GAA: variants seen among roughly 807,000 people sequenced by gnomAD.
The protein encoded by GAA is lysosomal alpha-glucosidase.
GAA carries 88 observed loss-of-function variants against 103.9 expected under a neutral mutation model. The observed-to-expected ratio is 0.85, with a 90% CI of 0.71 to 1.01. The LOEUF (loss-of-function observed/expected upper bound fraction) is 1.01. Ranked by LOEUF, GAA falls within the 50% of genes least tolerant of loss-of-function variation. GAA has a pLI of 0.00. For synonymous variants in GAA, 572 were observed against 563.1 expected, an observed-to-expected ratio of 1.02 and a Z score of -0.22; for missense variants, 1,350 against 1,305.3, an observed-to-expected ratio of 1.03 and a Z score of -0.53.
At chr17:80,106,018 C>A in intron 3 of GAA, 124 bp downstream of exon 3, 1 of 1,339,258 alleles carries the variant, frequency 7.5e-7, no homozygotes, top group Non-Finnish European at 1.0e-6. Flanking sequence ...GTTTCTCACA[C>A]GGCGGGGAGG....
In GAA at chr17:80,104,546, C is replaced by T; in HGVS notation, c.-32-9C>T. Reference sequence around the variant, plus strand: ...GCCTCCCTGCTGAGCCCGCTTTCTTCTCCCGCAGGCCTGTAGGAGCTGTCC... The same window carrying T: ...GCCTCCCTGCTGAGCCCGCTTTCTTTTCCCGCAGGCCTGTAGGAGCTGTCC... On this transcript the variant is annotated splice_polypyrimidine_tract_variant and intron_variant, in intron 1 of 19. Transcript: ENST00000302262. This position sits in a 1 kb window ranked among gnomAD's most constrained non-coding sequence, Gnocchi z 4.0. 2 of 1,572,112 alleles carry T rather than the reference C, an allele frequency of 1.3e-6. No individual in the cohort carries two copies. Among genetic ancestry groups the T allele is most frequent in the Middle Eastern group, 1.9e-4 (1 of 5,272 alleles).
At chr17:80,113,972 C>G (rs1433683760) in intron 15 of GAA, among the ~76,000 whole-genome samples, 1 of 150,526 alleles carries the variant, frequency 6.6e-6, no homozygotes, top group African/African-American at 2.4e-5. Flanking sequence ...GAGCCGAGAT[C>G]GCGCCACTGT....
rs796051877 is a variant in GAA, at chr17:80,110,055, G to A, written c.1437G>A (p.Lys479=). ...AGACCGGCCAGCCGCTGATTGGGAA[G>A]GTAGGGCGAGGGTCCAGGGGACGGG... ...TNETGQPLIG[K]VWPGSTAFPD... Residue 479 remains lysine (K), a splice_region_variant and synonymous_variant, in exon 9 of 20, where the codon AAG becomes AAA. Coordinates refer to ENST00000302262, the MANE Select transcript of GAA (RefSeq NM_000152.5). 1 of 1,612,144 alleles carries A rather than the reference G, an allele frequency of 6.2e-7. No homozygotes were observed. Among genetic ancestry groups the A allele is most frequent in the South Asian group, 1.1e-5 (1 of 91,050 alleles).
chr17:80,112,819 G>T, intron 13 of GAA, 57 bp from the exon 14 acceptor site: 3 of 1,585,290 alleles, frequency 1.9e-6, no homozygotes, highest in Non-Finnish European at 2.6e-6. Context: ...TGGGTCACTT[G>T]GCCTGAGCTG....
intron 8 of GAA, among the ~76,000 whole-genome samples, chr17:80,109,616 AAC>A (rs957691379): frequency 1.1e-5 from 1 of 92,698 alleles, no homozygotes; most frequent in African/African-American, 3.3e-5. Context: ...CAGGAGTGGA[AAC>A]ACAGACTTTT....
chr17:80,119,452 T>C lies in GAA; in HGVS notation c.*121T>C. 1 of 854,618 alleles carries C rather than the reference T, an allele frequency of 1.2e-6. No individual in the cohort carries two copies. The highest frequency in any genetic ancestry group is 1.4e-5 in the South Asian group (1 of 73,476). 52.9% of individuals were successfully genotyped at this position (854,618 alleles called of 1,614,324 possible). A position where few individuals can be genotyped will look rare whatever the true frequency, so the allele number is the denominator to read the frequency against. ...GCATGTGTCACCTGGAGCTGGGCAC[T>C]AACCATTCCAAGCCGCCGCATCGCT... On this transcript the variant is annotated 3_prime_UTR_variant, in exon 20 of 20. Coordinates refer to ENST00000302262, the MANE Select transcript of GAA (RefSeq NM_000152.5).
intron 12 of GAA, chr17:80,112,307 A>G: frequency 4.6e-6 from 3 of 650,644 alleles, no homozygotes; most frequent in Non-Finnish European, 8.0e-6. Flanking sequence ...GGGCTTGGAG[A>G]GGAAGGACCC....
intron 12 of GAA, 32 bp downstream of exon 12, chr17:80,112,132 G>A: frequency 6.3e-7 from 1 of 1,582,656 alleles, no homozygotes; most frequent in Non-Finnish European, 8.7e-7. Context: ...ACTGGGCTCT[G>A]CCCTCACAGC....
At position 80,118,262 on chromosome 17, in the gene GAA, G is replaced by T; in HGVS notation, c.2551G>T (p.Gly851Trp). ...CCTGGCTGTGGCCCTGACCAAGGGT[G>T]GGGAGGCCCGAGGGGAGCTGTTCTG... ...MALAVALTKG[G>W]EARGELFWDD... The change falls in exon 18 of 20, where the codon GGG becomes TGG. Residue 851 changes from glycine (G) to tryptophan (W), a missense_variant. By Grantham distance (184) the Gly-to-Trp change is radical. Coordinates refer to ENST00000302262, the MANE Select transcript of GAA (RefSeq NM_000152.5). The T allele has an allele frequency of 6.2e-7, 1 of 1,610,900 alleles. No homozygotes were observed. The highest frequency in any genetic ancestry group is 8.5e-7 in the Non-Finnish European group (1 of 1,178,364).
rs767593652 is a variant in GAA, at chr17:80,110,907, G to T, written c.1552-34G>T. On this transcript the variant is annotated intron_variant, in intron 10 of 19. Transcript: ENST00000302262. ...GACTACCCCACCCTCCTCACTCTGG[G>T]CAGAGTCACCTACCAGCAGCGCTTC... 3 of 1,613,630 alleles carry T rather than the reference G, an allele frequency of 1.9e-6. No homozygotes were observed. In the South Asian group the frequency reaches 3.3e-5, roughly 18 times the overall value.
rs539097550 is a variant in GAA at position 80,108,226 on chromosome 17, G to A, written c.956-64G>A. On this transcript the variant is annotated intron_variant, in intron 5 of 19. Transcript: ENST00000302262. ...CTCTCCGCCTGTGATTGGCCCATCT[G>A]TGGGGTGCAGAGCCCTCCAAGTGAA... 1.7e-5 allele frequency: 27 copies of A among 1,612,442 alleles called. No homozygotes were observed. The African/African-American group carries it at 3.1e-4, about 18-fold the overall frequency.
intron 15 of GAA, among the ~76,000 whole-genome samples, chr17:80,116,000 C>G (rs984890461): frequency 1.3e-5 from 2 of 152,132 alleles, no homozygotes; most frequent in Non-Finnish European, 2.9e-5. Context: ...GGCTGCAAAC[C>G]CTTGGTTAGT....
chr17:80,107,166 G>T (rs951299152), intron 3 of GAA, among the ~76,000 whole-genome samples: 1 of 152,214 alleles, frequency 6.6e-6, no homozygotes, highest in African/African-American at 2.4e-5. Context: ...GCTGGGATCT[G>T]GGAGGACTTT....
Position 80,119,429 on chromosome 17 carries a change from A to T in GAA, c.*98A>T, listed in dbSNP as rs886053548. 7.2e-5 allele frequency: 73 copies of T among 1,020,226 alleles called. No individual in the cohort carries two copies. The African/African-American group carries it at 1.0e-3, about 14-fold the overall frequency. The allele number at this position is 1,020,226 out of a possible 1,614,324, so 63.2% of individuals were successfully genotyped here. A position where few individuals can be genotyped will look rare whatever the true frequency, so the allele number is the denominator to read the frequency against. ...AGCTGTGTGCGGGCCTGGGGGTTGC[A>T]TGTGTCACCTGGAGCTGGGCACTAA... On this transcript the variant is annotated 3_prime_UTR_variant, in exon 20 of 20. Transcript: ENST00000302262.
chr17:80,109,815 A>G, intron 8 of GAA, 130 bp from the exon 9 acceptor site: 1 of 684,618 alleles, frequency 1.5e-6, no homozygotes, highest in Non-Finnish European at 2.6e-6. Flanking sequence ...ATGTGCAGGT[A>G]CACAGGCAGG....
rs750777002 is a variant in GAA, at chr17:80,110,777, G to A, written c.1488G>A (p.Leu496=). The A allele has an allele frequency of 8.7e-6, 14 of 1,614,026 alleles. No homozygotes were observed. The African/African-American group carries it at 1.3e-4, about 15-fold the overall frequency. ...CCGACTTCACCAACCCCACAGCCCTGGCCTGGTGGGAGGACATGGTGGCTG... is the reference window on the plus strand; with the variant it reads ...CCGACTTCACCAACCCCACAGCCCTAGCCTGGTGGGAGGACATGGTGGCTG... ...AFPDFTNPTA[L]AWWEDMVAEF... Residue 496 remains leucine, a synonymous_variant, in exon 10 of 20, where the codon CTG becomes CTA. Coordinates refer to ENST00000302262, the MANE Select transcript of GAA (RefSeq NM_000152.5).
chr17:80,105,928 A>C (rs2039075910), intron 3 of GAA, 34 bp downstream of exon 3: 1 of 1,565,462 alleles, frequency 6.4e-7, no homozygotes, highest in African/African-American at 1.3e-5. Context: ...CATGATGGGG[A>C]GGGCGACGCG....
intron 3 of GAA, among the ~76,000 whole-genome samples, chr17:80,106,992 T>G (rs983895823): frequency 6.6e-6 from 1 of 151,814 alleles, no homozygotes. Flanking sequence ...CAGGGGAGGG[T>G]GGGTGCGGTG....
intron 15 of GAA, among the ~76,000 whole-genome samples, chr17:80,114,741 T>G (rs1374849746): frequency 6.6e-6 from 1 of 152,230 alleles, no homozygotes; most frequent in Admixed American, 6.5e-5. Context: ...TGGTTTTATT[T>G]CTTCATGTGG....
Sources: gnomAD v4.1 joint callset for allele counts (sites outside exome capture counted in the v4.1 genomes callset) on GRCh38, gnomAD v4.1.1 for gene constraint, Gnocchi (gnomAD v3.1) non-coding constraint, MANE v1.5 for transcripts, NCBI Gene and HGNC (gene_info 2026-07-23, HGNC 2026-07-21) for gene names.